The following FGF14 variants were observed in gnomAD, a reference collection of about 807,000 sequenced individuals.
FGF14 encodes the protein fibroblast growth factor homologous factor 4.
Under a neutral mutation model 25.5 loss-of-function variants are expected in FGF14, and 5 were observed. The observed-to-expected ratio is 0.20, with a 90% CI of 0.10 to 0.41. The LOEUF (loss-of-function observed/expected upper bound fraction) is 0.41, where lower values mean the gene tolerates loss of function less well. FGF14 is among the 10% of genes least tolerant of loss of function. The probability of loss-of-function intolerance (pLI) is 1.00; values close to 1 mark genes in which losing one functional copy is unlikely to be tolerated. For synonymous variants in FGF14, 138 were observed against 118.3 expected, an observed-to-expected ratio of 1.17 and a Z score of -1.08; for missense variants, 222 against 320.1, an observed-to-expected ratio of 0.69 and a Z score of 2.34.
intron 1 of FGF14, among the ~76,000 whole-genome samples, chr13:102,038,802 T>C (rs2041596315): frequency 6.6e-6 from 1 of 152,084 alleles, no homozygotes; most frequent in Non-Finnish European, 1.5e-5. Context: ...TACATCCTAT[T>C]ATATTGAAAT....
At chr13:102,283,859 T>C (rs949117572) in intron 1 of FGF14, among the ~76,000 whole-genome samples, 8 of 152,208 alleles carry the variant, frequency 5.3e-5, no homozygotes, top group Non-Finnish European at 1.0e-4. Context: ...AAGTATCAAT[T>C]TCTGAGTCTC....
At chr13:102,154,329 C>G (rs9554847) in intron 1 of FGF14, among the ~76,000 whole-genome samples, 1 of 150,786 alleles carries the variant, frequency 6.6e-6, no homozygotes, top group African/African-American at 2.5e-5. Context: ...CGGCAGAAAC[C>G]CTACAAGCCA....
intron 1 of FGF14, chr13:102,368,095 C>A (rs2057768991): frequency 6.6e-6 from 1 of 152,156 alleles, no homozygotes; most frequent in Non-Finnish European, 1.5e-5. Flanking sequence ...CTTGGGAAGT[C>A]CCCTGGCATC....
intron 3 of FGF14, among the ~76,000 whole-genome samples, chr13:101,771,295 T>C (rs186212679): frequency 6.6e-6 from 1 of 152,188 alleles, no homozygotes; most frequent in South Asian, 2.1e-4. Context: ...GCAAATACAT[T>C]GAGGCTAATG....
chr13:102,278,380 T>C (rs550827192), intron 1 of FGF14, among the ~76,000 whole-genome samples: 55 of 152,300 alleles, frequency 3.6e-4, no homozygotes, highest in Non-Finnish European at 7.5e-4. Flanking sequence ...GGCTTCAAGC[T>C]AAGCGCAAAC....
intron 1 of FGF14, among the ~76,000 whole-genome samples, chr13:101,942,347 A>T (rs2035507623): frequency 6.6e-6 from 1 of 152,220 alleles, no homozygotes; most frequent in African/African-American, 2.4e-5. Flanking sequence ...TAACATAGGC[A>T]ACTATTCTGG....
intron 1 of FGF14, among the ~76,000 whole-genome samples, chr13:101,971,903 A>G (rs1051070194): frequency 1.3e-5 from 2 of 152,238 alleles, no homozygotes; most frequent in Admixed American, 1.3e-4. Context: ...TCACACGTGT[A>G]TTCTACATGG....
At chr13:102,173,515 G>C (rs1457012555) in intron 1 of FGF14, among the ~76,000 whole-genome samples, 1 of 152,136 alleles carries the variant, frequency 6.6e-6, no homozygotes, top group African/African-American at 2.4e-5. Flanking sequence ...ATCTTGAAGA[G>C]ATATCTGCAC....
intron 1 of FGF14, among the ~76,000 whole-genome samples, chr13:102,175,314 G>C (rs2048402515): frequency 6.6e-6 from 1 of 152,010 alleles, no homozygotes; most frequent in Non-Finnish European, 1.5e-5. Context: ...ACTGATCTTT[G>C]GAAAAGTTGA....
At chr13:101,986,434 T>C (rs1307040886) in intron 1 of FGF14, among the ~76,000 whole-genome samples, 2 of 152,112 alleles carry the variant, frequency 1.3e-5, no homozygotes, top group Non-Finnish European at 2.9e-5. Flanking sequence ...TATCTCTCCA[T>C]TAACATTTCA....
At chr13:101,778,150 T>A (rs1466195269) in intron 3 of FGF14, among the ~76,000 whole-genome samples, 1 of 152,192 alleles carries the variant, frequency 6.6e-6, no homozygotes, top group Non-Finnish European at 1.5e-5. Flanking sequence ...AATTATTTAC[T>A]TAAGAAGTGG....
intron 3 of FGF14, among the ~76,000 whole-genome samples, chr13:101,786,824 G>A (rs958154954): frequency 7.9e-5 from 12 of 152,120 alleles, no homozygotes; most frequent in African/African-American, 2.9e-4. Context: ...TATTGTTGCT[G>A]ACAATTAAAC....
intron 1 of FGF14, among the ~76,000 whole-genome samples, chr13:101,998,918 C>T (rs1415803933): frequency 2.6e-5 from 4 of 152,140 alleles, no homozygotes; most frequent in Admixed American, 1.3e-4. Context: ...TTATTAAACA[C>T]CCATTTTTTT....
At chr13:102,146,172 G>T (rs897029093) in intron 1 of FGF14, among the ~76,000 whole-genome samples, 1 of 152,144 alleles carries the variant, frequency 6.6e-6, no homozygotes, top group African/African-American at 2.4e-5. Flanking sequence ...AAAAAGTTTT[G>T]TTCTATTTTA....
At chr13:102,128,099 T>C (rs2046024728) in intron 1 of FGF14, among the ~76,000 whole-genome samples, 1 of 152,310 alleles carries the variant, frequency 6.6e-6, no homozygotes, top group South Asian at 2.1e-4. Flanking sequence ...ACATCCCGGA[T>C]ATCCAATCCT....
intron 1 of FGF14, among the ~76,000 whole-genome samples, chr13:102,363,397 T>G (rs1205151815): frequency 6.6e-6 from 1 of 152,206 alleles, no homozygotes; most frequent in African/African-American, 2.4e-5. Flanking sequence ...TTGAGCAAGT[T>G]TCTGTATTTC....
intron 1 of FGF14, among the ~76,000 whole-genome samples, chr13:101,943,824 A>ATATAT (rs553788083): frequency 7.9e-6 from 1 of 126,944 alleles, no homozygotes; most frequent in Non-Finnish European, 1.6e-5. Context: ...AAAAAAAAAA[A>ATATAT]AAATATATAT....
At chr13:102,012,917 A>G (rs1190688912) in intron 1 of FGF14, among the ~76,000 whole-genome samples, 3 of 152,164 alleles carry the variant, frequency 2.0e-5, no homozygotes, top group African/African-American at 7.2e-5. Flanking sequence ...AGTGATCACC[A>G]ATGGAGTTGA....
intron 1 of FGF14, among the ~76,000 whole-genome samples, chr13:102,144,884 A>T (rs376652543): frequency 1.7e-4 from 26 of 152,350 alleles, no homozygotes; most frequent in African/African-American, 6.3e-4. Flanking sequence ...TATGATCTAA[A>T]TCAGAAAAGG....
Sources: gnomAD v4.1 joint callset for allele counts (sites outside exome capture counted in the v4.1 genomes callset) on GRCh38, gnomAD v4.1.1 for gene constraint, MANE v1.5 for transcripts, NCBI Gene and HGNC (gene_info 2026-07-23, HGNC 2026-07-21) for gene names.